WRN: variants seen among roughly 807,000 people sequenced by gnomAD.
The protein encoded by WRN is bifunctional 3'-5' exonuclease/ATP-dependent helicase WRN.
Under a neutral mutation model 180.7 loss-of-function variants are expected in WRN, and 149 were observed. The ratio of observed to expected loss-of-function variants is 0.82; its 90% CI spans 0.72 to 0.94. The LOEUF is 0.94. WRN is among the 40% of genes least tolerant of loss of function. WRN has a pLI of 0.00. For synonymous variants in WRN, 548 were observed against 568.9 expected, an observed-to-expected ratio of 0.96 and a Z score of 0.52; for missense variants, 1,661 against 1,700.1, an observed-to-expected ratio of 0.98 and a Z score of 0.40.
intron 11 of WRN, among the ~76,000 whole-genome samples, chr8:31,085,925 T>G (rs1813510742): frequency 6.6e-6 from 1 of 152,130 alleles, no homozygotes; most frequent in Admixed American, 6.5e-5. Context: ...ATAATCATCT[T>G]TACTTTCTTT....
At chr8:31,034,220 T>A (rs1045558962) in intron 1 of WRN, among the ~76,000 whole-genome samples, 3 of 152,154 alleles carry the variant, frequency 2.0e-5, no homozygotes, top group African/African-American at 7.2e-5. Flanking sequence ...GCTTGATGTT[T>A]ACCTTGCGCG....
At chr8:31,160,778 G>T (rs1803579643) in intron 33 of WRN, among the ~76,000 whole-genome samples, 1 of 152,092 alleles carries the variant, frequency 6.6e-6, no homozygotes, top group Non-Finnish European at 1.5e-5. Context: ...GAGGTCAGGT[G>T]TTGGAGACGA....
At chr8:31,040,353 G>C (rs1811603259) in intron 1 of WRN, among the ~76,000 whole-genome samples, 1 of 152,168 alleles carries the variant, frequency 6.6e-6, no homozygotes, top group Non-Finnish European at 1.5e-5. Flanking sequence ...GTGTATAACA[G>C]CTAATTTAAA....
chr8:31,125,781 G>A (rs192697019), intron 23 of WRN, among the ~76,000 whole-genome samples: 124 of 150,270 alleles, frequency 8.3e-4, no homozygotes, highest in African/African-American at 2.8e-3. Flanking sequence ...GCCACTGAGT[G>A]GATGAGGCCC....
rs1017257738 is a variant in WRN at position 31,102,744 on chromosome 8, C to T, written c.2088+1789C>T. Reference sequence around the variant, plus strand: ...GGCGAGTGAATGTAAAGGCCTAGGACATTACTGTACACTACTGTAGACTTT... The same window carrying T: ...GGCGAGTGAATGTAAAGGCCTAGGATATTACTGTACACTACTGTAGACTTT... On this transcript the variant is annotated intron_variant, in intron 18 of 34. Coordinates refer to ENST00000298139, the MANE Select transcript of WRN (RefSeq NM_000553.6). 3.3e-5 allele frequency among the ~76,000 whole-genome samples: 5 copies of T among 152,134 alleles called. No homozygotes were observed. In the East Asian group the frequency reaches 9.6e-4, roughly 29 times the overall value.
At chr8:31,122,612 T>A (rs1585486525) in intron 21 of WRN, among the ~76,000 whole-genome samples, 1 of 152,160 alleles carries the variant, frequency 6.6e-6, no homozygotes, top group East Asian at 1.9e-4. Flanking sequence ...TTTCAGTGGA[T>A]CCAAATGATT....
At chr8:31,065,193 G>T in intron 5 of WRN, 130 bp downstream of exon 5, 1 of 904,938 alleles carries the variant, frequency 1.1e-6, no homozygotes, top group Non-Finnish European at 1.6e-6. Context: ...CAATAAAAAA[G>T]TTCCAAGTGA....
intron 1 of WRN, among the ~76,000 whole-genome samples, chr8:31,044,366 TGAGA>T (rs1811773463): frequency 1.4e-5 from 2 of 139,334 alleles, no homozygotes; most frequent in Non-Finnish European, 3.1e-5. Flanking sequence ...TTTTTTTTTT[TGAGA>T]CGTTGAGATA....
intron 1 of WRN, among the ~76,000 whole-genome samples, chr8:31,039,382 A>G (rs1348946581): frequency 6.6e-6 from 1 of 152,064 alleles, no homozygotes; most frequent in Admixed American, 6.6e-5. Context: ...TTTCTGGTGT[A>G]TAACAACAGC....
At position 31,088,877 on chromosome 8, in the gene WRN, A is replaced by G; in HGVS notation, c.1577-13A>G. On this transcript the variant is annotated splice_polypyrimidine_tract_variant and intron_variant, in intron 12 of 34. Coordinates refer to ENST00000298139, the MANE Select transcript of WRN (RefSeq NM_000553.6). The stretch of plus-strand genomic sequence containing the variant: ...CTACTTGAACATAAATGCACATTTT[A>G]TTTTATTTCCAGACTTTTTGTGGCC... 6.2e-7 allele frequency: 1 copy of G among 1,603,872 alleles called. No homozygotes were observed. Among genetic ancestry groups the G allele is most frequent in the Non-Finnish European group, 8.5e-7 (1 of 1,173,874 alleles).
chr8:31,074,766 T>C (rs897936379), intron 7 of WRN, among the ~76,000 whole-genome samples: 2 of 152,062 alleles, frequency 1.3e-5, no homozygotes, highest in African/African-American at 4.8e-5. Context: ...AGAGTATAGA[T>C]ACAAAGGAAT....
At chr8:31,143,803 G>T (rs1802756328) in intron 28 of WRN, among the ~76,000 whole-genome samples, 180 bp downstream of exon 28, 1 of 151,984 alleles carries the variant, frequency 6.6e-6, no homozygotes. Flanking sequence ...TAATTTAATA[G>T]CTAACACTTC....
intron 23 of WRN, among the ~76,000 whole-genome samples, chr8:31,131,090 T>G: frequency 6.6e-6 from 1 of 150,584 alleles, no homozygotes; most frequent in African/African-American, 2.4e-5. Context: ...AGTAAAAGAG[T>G]AGGAAGGGGA....
chr8:31,090,710 G>T (rs1035118650), intron 14 of WRN, 124 bp from the exon 15 acceptor site: 34 of 1,036,454 alleles, frequency 3.3e-5, no homozygotes, highest in Admixed American at 9.9e-5. Context: ...CTTTTAGGAA[G>T]ATAGCATACT....
At chr8:31,069,509 T>G (rs1812828856) in intron 7 of WRN, among the ~76,000 whole-genome samples, 1 of 152,226 alleles carries the variant, frequency 6.6e-6, no homozygotes, top group Non-Finnish European at 1.5e-5. Flanking sequence ...AAGTTGAATT[T>G]CTTGCATGGA....
At chr8:31,066,966 T>TG (rs1385115258) in intron 5 of WRN, 67 bp from the exon 6 acceptor site, 1 of 1,578,352 alleles carries the variant, frequency 6.3e-7, no homozygotes, top group Non-Finnish European at 8.7e-7. Context: ...TATGTTCATT[T>TG]GATATCATTT....
At chr8:31,132,164 A>G (rs1802204412) in intron 23 of WRN, among the ~76,000 whole-genome samples, 1 of 152,086 alleles carries the variant, frequency 6.6e-6, no homozygotes, top group African/African-American at 2.4e-5. Context: ...TCAGCGTAAC[A>G]TATCTGTTAC....
At chr8:31,043,662 T>C (rs1276497415) in intron 1 of WRN, among the ~76,000 whole-genome samples, 2 of 152,194 alleles carry the variant, frequency 1.3e-5, no homozygotes, top group Non-Finnish European at 2.9e-5. Flanking sequence ...GACTGTTATT[T>C]ACTTTATTAC....
chr8:31,111,374 A>G (rs1314717207), intron 18 of WRN, among the ~76,000 whole-genome samples: 1 of 152,210 alleles, frequency 6.6e-6, no homozygotes, highest in Non-Finnish European at 1.5e-5. Context: ...GCATTTGGAA[A>G]CCTCATGGAT....
Sources: gnomAD v4.1 joint callset for allele counts (sites outside exome capture counted in the v4.1 genomes callset) on GRCh38, gnomAD v4.1.1 for gene constraint, MANE v1.5 for transcripts, NCBI Gene and HGNC (gene_info 2026-07-23, HGNC 2026-07-21) for gene names.